AP2B1: variants seen among roughly 807,000 people sequenced by gnomAD.
The protein encoded by AP2B1 is adaptor related protein complex 2 subunit beta 1, also known as AP-2 complex subunit beta.
In AP2B1, 23 loss-of-function variants were observed where a neutral mutation model predicts 102.0. The observed-to-expected ratio is 0.23, with a 90% CI of 0.16 to 0.32. The LOEUF (loss-of-function observed/expected upper bound fraction) is 0.32. Among genes scored for constraint, AP2B1 ranks in the 10% least tolerant of loss-of-function variants. The pLI is 1.00. For synonymous variants in AP2B1, 381 were observed against 421.2 expected, an observed-to-expected ratio of 0.90 and a Z score of 1.17; for missense variants, 541 against 1,157.4, an observed-to-expected ratio of 0.47 and a Z score of 7.73.
chr17:35,651,237 AT>A, intron 13 of AP2B1, among the ~76,000 whole-genome samples: 1 of 152,288 alleles, frequency 6.6e-6, no homozygotes, highest in East Asian at 1.9e-4. Flanking sequence ...GGTATAACTT[AT>A]GCTGTAAAGC....
At chr17:35,718,641 A>T (rs587766799) in intron 21 of AP2B1, among the ~76,000 whole-genome samples, 32 of 151,590 alleles carry the variant, frequency 2.1e-4, no homozygotes, top group Non-Finnish European at 3.1e-4. Context: ...TGAGCCCATG[A>T]GTTCAAGACC....
At chr17:35,661,785 C>T (rs1014770308) in intron 14 of AP2B1, among the ~76,000 whole-genome samples, 2 of 152,128 alleles carry the variant, frequency 1.3e-5, no homozygotes, top group African/African-American at 4.8e-5. Flanking sequence ...GCCTGGTGAT[C>T]TTCCCTTAGA....
chr17:35,696,221 A>G (rs755897772), intron 18 of AP2B1, among the ~76,000 whole-genome samples: 2 of 151,814 alleles, frequency 1.3e-5, no homozygotes, highest in Non-Finnish European at 2.9e-5. Context: ...TTAATTGACT[A>G]TTGTCCTTGT....
rs370944375 is a variant in AP2B1, at chr17:35,627,613, A to C, written c.1060-18A>C. 3 of 1,613,506 alleles carry C rather than the reference A, an allele frequency of 1.9e-6. No homozygotes were observed. The highest frequency in any genetic ancestry group is 2.5e-6 in the Non-Finnish European group (3 of 1,179,702). ...ATTTGAGAATCCTTAATGATTAACC[A>C]CTTCCTGGGTTTAACAGGTTCTGGC... On this transcript the variant is annotated intron_variant, in intron 8 of 21. Transcript: ENST00000610402.
At chr17:35,690,728 A>T (rs1262573317) in intron 18 of AP2B1, among the ~76,000 whole-genome samples, 1 of 152,232 alleles carries the variant, frequency 6.6e-6, no homozygotes, top group Non-Finnish European at 1.5e-5. Context: ...TTTTCCAGGT[A>T]CCAAGTTTTT....
intron 18 of AP2B1, among the ~76,000 whole-genome samples, chr17:35,706,237 T>G (rs1387357023): frequency 6.6e-6 from 1 of 151,018 alleles, no homozygotes; most frequent in African/African-American, 2.4e-5. Flanking sequence ...CAGAACAGTT[T>G]AGCACCACTT....
chr17:35,696,196 C>T (rs770205779), intron 18 of AP2B1, among the ~76,000 whole-genome samples: 22 of 152,104 alleles, frequency 1.4e-4, no homozygotes, highest in Non-Finnish European at 2.8e-4. Flanking sequence ...GGGTATGCTG[C>T]CACCTCATGA....
chr17:35,608,932 A>G (rs1341775756), intron 5 of AP2B1, among the ~76,000 whole-genome samples: 4 of 152,200 alleles, frequency 2.6e-5, no homozygotes, highest in Non-Finnish European at 4.4e-5. Context: ...AACTTTGCTT[A>G]TATAATGAAG....
intron 2 of AP2B1, among the ~76,000 whole-genome samples, chr17:35,597,657 A>T (rs1420647461): frequency 6.6e-5 from 10 of 152,186 alleles, no homozygotes; most frequent in Admixed American, 6.5e-4. Context: ...ATTATGATTT[A>T]TTTGGCCCAG....
rs964761636 is a variant in AP2B1, at chr17:35,610,544, C to T, written c.525+2157C>T. ...TTGGGAGGCTGAGGCAGAAGGATCACTTGAAGCCAAGAGTTTGAGACCAGC... is the reference window on the plus strand; with the variant it reads ...TTGGGAGGCTGAGGCAGAAGGATCATTTGAAGCCAAGAGTTTGAGACCAGC... On this transcript the variant is annotated intron_variant, in intron 5 of 21. Coordinates refer to ENST00000610402, the MANE Select transcript of AP2B1 (RefSeq NM_001030006.2). Among the ~76,000 whole-genome samples, 24 of 151,990 alleles carry T rather than the reference C, an allele frequency of 1.6e-4. 1 individual carries two copies. Among genetic ancestry groups the T allele is most frequent in the South Asian group, 2.1e-4 (1 of 4,824 alleles).
rs587655475 is a variant in AP2B1, at chr17:35,691,401, T to C, written c.2454+8577T>C. 2.3e-3 allele frequency among the ~76,000 whole-genome samples: 343 copies of C among 152,340 alleles called. 1 individual carries two copies. Among genetic ancestry groups the C allele is most frequent in the Non-Finnish European group, 4.1e-3 (278 of 68,034 alleles). ...TCAGAAAGCCCACAGCTATAGCTAT[T>C]GTACCAGAAAAACTGGTAGACGCTT... On this transcript the variant is annotated intron_variant, in intron 18 of 21. Coordinates refer to ENST00000610402, the MANE Select transcript of AP2B1 (RefSeq NM_001030006.2).
intron 14 of AP2B1, among the ~76,000 whole-genome samples, chr17:35,660,819 G>A (rs1401440262): frequency 6.6e-6 from 1 of 152,090 alleles, no homozygotes; most frequent in Non-Finnish European, 1.5e-5. Flanking sequence ...ACAGACTTCT[G>A]GAAAGAGGGC....
At chr17:35,645,436 T>G (rs1168200125) in intron 12 of AP2B1, among the ~76,000 whole-genome samples, 1 of 152,174 alleles carries the variant, frequency 6.6e-6, no homozygotes, top group Non-Finnish European at 1.5e-5. Context: ...TAATTAAAAA[T>G]ATTATTAGTT....
At chr17:35,703,264 CAAA>C (rs57503007) in intron 18 of AP2B1, among the ~76,000 whole-genome samples, 2 of 101,918 alleles carry the variant, frequency 2.0e-5, no homozygotes. Context: ...GACTCCATCT[CAAA>C]AAAAAAAAAA....
At chr17:35,703,513 G>C (rs2076280811) in intron 18 of AP2B1, among the ~76,000 whole-genome samples, 1 of 152,118 alleles carries the variant, frequency 6.6e-6, no homozygotes, top group Non-Finnish European at 1.5e-5. Context: ...AAAAGAATGA[G>C]ATCATGTCCT....
intron 14 of AP2B1, among the ~76,000 whole-genome samples, chr17:35,666,980 A>G (rs2075481383): frequency 6.6e-6 from 1 of 152,244 alleles, no homozygotes; most frequent in African/African-American, 2.4e-5. Context: ...TTAAACAAAT[A>G]GTGTCCAACT....
At chr17:35,689,502 A>T (rs2076000429) in intron 18 of AP2B1, among the ~76,000 whole-genome samples, 1 of 152,228 alleles carries the variant, frequency 6.6e-6, no homozygotes, top group Admixed American at 6.5e-5. Context: ...TAAAAAATTT[A>T]ACTACAATAA....
chr17:35,650,518 C>A lies in AP2B1; in HGVS notation c.1537-12C>A. 6.2e-7 allele frequency: 1 copy of A among 1,612,228 alleles called. No individual in the cohort carries two copies. Among genetic ancestry groups the A allele is most frequent in the Non-Finnish European group, 8.5e-7 (1 of 1,178,974 alleles). On this transcript the variant is annotated splice_polypyrimidine_tract_variant and intron_variant, in intron 12 of 21. Transcript: ENST00000610402. ...TTTCATCTCCACCTCCTTGCCTTTG[C>A]CTTTTCTTTAGGATTCTGATAATCC... is the stretch of plus-strand genomic sequence containing the variant.
In AP2B1 at chr17:35,709,239, A is replaced by G; in HGVS notation, c.2470A>G (p.Asn824Asp). 6.2e-7 allele frequency: 1 copy of G among 1,614,078 alleles called. No homozygotes were observed. Among genetic ancestry groups the G allele is most frequent in the Non-Finnish European group, 8.5e-7 (1 of 1,180,002 alleles). The change falls in exon 19 of 22, where the codon AAT becomes GAT. Residue 824 changes from asparagine to aspartate, a missense_variant. Asn to Asp is a conservative substitution (Grantham distance 23). Around this residue, in one of 10 missense-constraint regions of AP2B1, gnomAD observed 117 missense variants for 206.7 expected, o/e 0.57. Transcript: ENST00000610402. ...TTCCTGGCAGGTGGCTGTGAAAAAC[A>G]ATATCGATGTCTTCTACTTCAGCTG... ...LNNLQVAVKNNIDVFYFSCLI... is the reference protein window; with the variant it reads ...LNNLQVAVKNDIDVFYFSCLI...
Sources: allele counts gnomAD v4.1 joint callset (sites outside exome capture counted in the v4.1 genomes callset), GRCh38; gene constraint gnomAD v4.1.1; regional missense constraint gnomAD v4.1.1; transcripts MANE v1.5; gene names NCBI Gene and HGNC (gene_info 2026-07-23, HGNC 2026-07-21).